The following ASIC2 variants were observed in gnomAD, a reference collection of about 807,000 sequenced individuals.
ASIC2 encodes the protein acid-sensing ion channel 2.
Under a neutral mutation model 57.3 loss-of-function variants are expected in ASIC2, and 25 were observed. The ratio of observed to expected loss-of-function variants is 0.44; its 90% CI spans 0.32 to 0.61. The LOEUF (loss-of-function observed/expected upper bound fraction) is 0.61. Among genes scored for constraint, ASIC2 ranks in the 20% least tolerant of loss-of-function variants. The probability of loss-of-function intolerance (pLI) is 0.06; values close to 1 mark genes in which losing one functional copy is unlikely to be tolerated. For synonymous variants in ASIC2, 319 were observed against 307.5 expected (o/e 1.04, Z -0.39); for missense variants, 641 against 738.1 (o/e 0.87, Z 1.52).
At chr17:33,661,778 AAGTC>A (rs1345468559) in intron 1 of ASIC2, among the ~76,000 whole-genome samples, 3 of 152,202 alleles carry the variant, frequency 2.0e-5, no homozygotes, top group African/African-American at 7.2e-5. Flanking sequence ...TTCTGAATGA[AAGTC>A]AGGCCTTTCT....
intron 1 of ASIC2, among the ~76,000 whole-genome samples, chr17:33,871,201 G>T (rs1240478709): frequency 6.6e-6 from 1 of 152,226 alleles, no homozygotes; most frequent in African/African-American, 2.4e-5. Context: ...GGATGGAGGA[G>T]TTCAGAAGCT....
chr17:34,075,875 C>T (rs1168423466), intron 1 of ASIC2, among the ~76,000 whole-genome samples: 1 of 130,968 alleles, frequency 7.6e-6, no homozygotes, highest in East Asian at 2.3e-4. Flanking sequence ...GTCGCTCCGG[C>T]TGGAGTGCAA....
chr17:33,346,416 C>T (rs1247878735), intron 1 of ASIC2, among the ~76,000 whole-genome samples: 3 of 151,872 alleles, frequency 2.0e-5, no homozygotes, highest in Non-Finnish European at 4.4e-5. Flanking sequence ...CTTGTGTCAG[C>T]GTAACAGTGG....
At chr17:33,366,954 G>C (rs765466400) in intron 1 of ASIC2, among the ~76,000 whole-genome samples, 4 of 152,222 alleles carry the variant, frequency 2.6e-5, no homozygotes, top group Non-Finnish European at 4.4e-5. Context: ...TTCACTTTCA[G>C]TGTTTCGTGG....
intron 1 of ASIC2, among the ~76,000 whole-genome samples, chr17:34,081,266 G>A (rs543922214): frequency 5.3e-5 from 8 of 152,206 alleles, no homozygotes; most frequent in African/African-American, 1.4e-4. Flanking sequence ...TAAAGTTTGA[G>A]AACCAACACC....
chr17:34,003,540 A>T (rs1019984132), intron 1 of ASIC2: 1 of 152,094 alleles, frequency 6.6e-6, no homozygotes, highest in Non-Finnish European at 1.5e-5. Flanking sequence ...CATTAACACC[A>T]TTATCATCAT....
intron 1 of ASIC2, among the ~76,000 whole-genome samples, chr17:33,404,989 G>C (rs1910416807): frequency 6.6e-6 from 1 of 151,930 alleles, no homozygotes; most frequent in Non-Finnish European, 1.5e-5. Context: ...ACTGAACCCA[G>C]GTGGCTTATT....
At chr17:33,558,688 A>G (rs902167018) in intron 1 of ASIC2, among the ~76,000 whole-genome samples, 8 of 152,228 alleles carry the variant, frequency 5.3e-5, no homozygotes, top group African/African-American at 1.4e-4. Context: ...TGTAACCTGA[A>G]TGTAAATGAA....
chr17:33,789,088 G>T (rs1405652770), intron 1 of ASIC2, among the ~76,000 whole-genome samples: 1 of 152,154 alleles, frequency 6.6e-6, no homozygotes, highest in Admixed American at 6.6e-5. Context: ...TGCAGTGTAA[G>T]ACATGCCTGC....
At chr17:33,461,732 C>A (rs539043741) in intron 1 of ASIC2, among the ~76,000 whole-genome samples, 1 of 152,162 alleles carries the variant, frequency 6.6e-6, no homozygotes, top group Non-Finnish European at 1.5e-5. Context: ...TACCCACCCC[C>A]TCCACAGCCA....
intron 1 of ASIC2, among the ~76,000 whole-genome samples, chr17:33,878,137 A>G (rs1033946116): frequency 6.6e-6 from 1 of 152,256 alleles, no homozygotes; most frequent in African/African-American, 2.4e-5. Flanking sequence ...CCAAAGGTAG[A>G]TAAAACCACA....
At chr17:33,566,617 C>A (rs1916241915) in intron 1 of ASIC2, among the ~76,000 whole-genome samples, 1 of 152,190 alleles carries the variant, frequency 6.6e-6, no homozygotes, top group African/African-American at 2.4e-5. Flanking sequence ...CCCCTTACAG[C>A]AGAACAGTCA....
chr17:33,833,264 T>C (rs1913169818), intron 1 of ASIC2, among the ~76,000 whole-genome samples: 1 of 152,176 alleles, frequency 6.6e-6, no homozygotes, highest in South Asian at 2.1e-4. Flanking sequence ...GTCTGTTTCG[T>C]TTACCATTGT....
chr17:33,573,267 C>G (rs994194268), intron 1 of ASIC2, among the ~76,000 whole-genome samples: 1 of 152,126 alleles, frequency 6.6e-6, no homozygotes, highest in African/African-American at 2.4e-5. Flanking sequence ...TTTAGAATAC[C>G]CTGCTATTTT....
At chr17:33,198,774 G>A (rs1371529683) in intron 1 of ASIC2, among the ~76,000 whole-genome samples, 1 of 152,194 alleles carries the variant, frequency 6.6e-6, no homozygotes, top group African/African-American at 2.4e-5. Flanking sequence ...GGCAAATAAA[G>A]GTTTCTTCAA....
intron 3 of ASIC2, among the ~76,000 whole-genome samples, chr17:33,047,915 A>T (rs925137759): frequency 1.3e-5 from 2 of 152,188 alleles, no homozygotes; most frequent in African/African-American, 2.4e-5. Flanking sequence ...GTTCAAAGTC[A>T]TTTTTATTTG....
At chr17:33,233,725 T>C (rs1908195001) in intron 1 of ASIC2, among the ~76,000 whole-genome samples, 1 of 152,078 alleles carries the variant, frequency 6.6e-6, no homozygotes, top group Non-Finnish European at 1.5e-5. Context: ...CAAATTCCAA[T>C]GTCAGATGAC....
At chr17:33,936,706 T>C (rs1490375132) in intron 1 of ASIC2, 2 of 152,212 alleles carry the variant, frequency 1.3e-5, no homozygotes, top group Non-Finnish European at 2.9e-5. Flanking sequence ...CTCTGAGTTC[T>C]TGCTGTATGA....
At chr17:33,334,638 G>A (rs1157790945) in intron 1 of ASIC2, among the ~76,000 whole-genome samples, 2 of 152,208 alleles carry the variant, frequency 1.3e-5, no homozygotes, top group Admixed American at 1.3e-4. Flanking sequence ...AGCTCTCACA[G>A]AAGAGGGGAG....
Sources: gnomAD v4.1 joint callset for allele counts (sites outside exome capture counted in the v4.1 genomes callset) on GRCh38, gnomAD v4.1.1 for gene constraint, MANE v1.5 for transcripts, NCBI Gene and HGNC (gene_info 2026-07-23, HGNC 2026-07-21) for gene names.